NKPD1: variants seen among roughly 807,000 people sequenced by gnomAD.
NKPD1 encodes NTPase KAP family P-loop domain containing 1.
A neutral mutation model predicts 42.2 loss-of-function variants in NKPD1; 37 were observed. The observed-to-expected ratio is 0.88, with a 90% CI of 0.67 to 1.15. NKPD1 has a LOEUF of 1.15. NKPD1 is among the 50% of genes most tolerant of loss of function. The pLI is 0.00. For synonymous variants in NKPD1, 552 were observed against 536.5 expected (o/e 1.03, Z -0.40); for missense variants, 1,113 against 1,174.6 (o/e 0.95, Z 0.77).
intron 2 of NKPD1, 138 bp from the exon 3 acceptor site, chr19:45,159,238 G>T: frequency 1.2e-6 from 1 of 815,600 alleles, no homozygotes; most frequent in African/African-American, 1.8e-5. Flanking sequence ...CAAAAAGTAA[G>T]ATTATGTGCG....
rs1256053234 is a variant in NKPD1 at position 45,151,817 on chromosome 19, G to A, written c.*121C>T. The A allele has an allele frequency of 9.2e-7, 1 of 1,088,580 alleles. No individual in the cohort carries two copies. The highest frequency in any genetic ancestry group is 2.0e-5 in the South Asian group (1 of 51,264). 67.4% of individuals were successfully genotyped at this position (1,088,580 alleles called of 1,614,324 possible). ...CCACGGCTCTGGCTCAGGTTCACCT[G>A]GGGGTGTGGGCCTCACAGGGCTCAT... On this transcript the variant is annotated 3_prime_UTR_variant, in exon 5 of 5. Coordinates refer to ENST00000686631, the MANE Select transcript of NKPD1 (RefSeq NM_198478.4).
At chr19:45,159,409 T>TG (rs980984601) in intron 2 of NKPD1, among the ~76,000 whole-genome samples, 18 of 151,730 alleles carry the variant, frequency 1.2e-4, no homozygotes, top group Admixed American at 3.3e-4. Flanking sequence ...CCTGGATCCC[T>TG]GGGGGGTGCC....
Position 45,158,912 on chromosome 19 carries a change from T to C in NKPD1, c.280A>G (p.Ser94Gly), listed in dbSNP as rs1968955071. 1.5e-6 allele frequency: 2 copies of C among 1,296,760 alleles called. No individual in the cohort carries two copies. The highest frequency in any genetic ancestry group is 5.6e-5 in the East Asian group (1 of 17,748). The allele number at this position is 1,296,760 out of a possible 1,614,324, so 80.3% of individuals were successfully genotyped here. The change falls in exon 3 of 5, where the codon AGC becomes GGC. Residue 94 changes from serine (S) to glycine (G), a missense_variant. Physicochemically the swap from Ser to Gly is moderately conservative, Grantham distance 56. Coordinates refer to ENST00000686631, the MANE Select transcript of NKPD1 (RefSeq NM_198478.4). This position sits in a 1 kb window ranked among gnomAD's most constrained non-coding sequence, Gnocchi z 4.6. ...GGGCAGAGCCGCTGCCGCAGGGGGC[T>C]GGGAGGTGAGGGCTGGGACTGGGGC... ...RQPQSQPSPP[S>G]PLRQRLCPIH...
chr19:45,156,972 T>G, intron 3 of NKPD1, among the ~76,000 whole-genome samples: 1 of 152,142 alleles, frequency 6.6e-6, no homozygotes, highest in East Asian at 1.9e-4. Flanking sequence ...ACCCTCTACT[T>G]CCCTGTGTGT....
chr19:45,154,497 G>T (rs1171299768), intron 4 of NKPD1, among the ~76,000 whole-genome samples: 1 of 152,218 alleles, frequency 6.6e-6, no homozygotes, highest in Non-Finnish European at 1.5e-5. Flanking sequence ...AGTGTCTACA[G>T]CACCCAGCAG....
rs946021393 is a variant in NKPD1 at position 45,152,523 on chromosome 19, C to T, written c.1914G>A (p.Gln638=). Reference sequence around the variant, plus strand: ...CCCCAAAGTCCCCCTGCTGCTGCTGCTGCTGCAGCAGGCGCACGGTGATGG... The same window carrying T: ...CCCCAAAGTCCCCCTGCTGCTGCTGTTGCTGCAGCAGGCGCACGGTGATGG... ...TVPITVRLLQ[Q]QQQQGDFGGP... is the part of the protein sequence containing the mutation. The change falls in exon 5 of 5, where the codon CAG becomes CAA. Residue 638 remains glutamine, a synonymous_variant. Transcript: ENST00000686631. 3.2e-6 allele frequency: 5 copies of T among 1,574,526 alleles called. No individual in the cohort carries two copies. In the African/African-American group the frequency reaches 4.2e-5, roughly 13 times the overall value.
chr19:45,159,277 G>C (rs1364079329), intron 2 of NKPD1, among the ~76,000 whole-genome samples, 177 bp from the exon 3 acceptor site: 2 of 152,182 alleles, frequency 1.3e-5, no homozygotes, highest in African/African-American at 2.4e-5. Context: ...GAGGGACCCA[G>C]GGTCTGTGCT....
chr19:45,157,817 C>A (rs996085618), intron 3 of NKPD1, among the ~76,000 whole-genome samples: 2 of 151,214 alleles, frequency 1.3e-5, no homozygotes, highest in Non-Finnish European at 2.9e-5. Context: ...CTCTACCTCC[C>A]GGTTTCAAGT....
rs1968939312 is a variant in NKPD1, at chr19:45,158,212, TG to T, written c.529+450del. On this transcript the variant is annotated intron_variant, in intron 3 of 4. Transcript: ENST00000686631. The surrounding 1 kb of genome is among the most constrained non-coding windows in gnomAD (Gnocchi z 4.6). ...ATGAGGGAGGGAGAGAGCAAGCAAG[TG>T]GGTCTTCCCATTGCTGACCTTTGCT... 6.6e-6 allele frequency among the ~76,000 whole-genome samples: 1 copy of T among 152,112 alleles called. No homozygotes were observed. The highest frequency in any genetic ancestry group is 6.5e-5 in the Admixed American group (1 of 15,284).
chr19:45,157,557 G>C (rs974592263), intron 3 of NKPD1, among the ~76,000 whole-genome samples: 1 of 151,902 alleles, frequency 6.6e-6, no homozygotes, highest in Non-Finnish European at 1.5e-5. Flanking sequence ...GACCACAGGC[G>C]TGCATCACTA....
At chr19:45,156,821 C>G (rs549077417) in intron 3 of NKPD1, among the ~76,000 whole-genome samples, 1 of 152,300 alleles carries the variant, frequency 6.6e-6, no homozygotes, top group East Asian at 1.9e-4. Context: ...TCAGAGAGGC[C>G]TGGTGGGCTG....
chr19:45,155,634 G>A (rs1283007298), intron 4 of NKPD1, 151 bp downstream of exon 4: 15 of 685,948 alleles, frequency 2.2e-5, no homozygotes, highest in Non-Finnish European at 3.1e-5. Context: ...CAGAGAAGCA[G>A]AGCCCGGGGT....
rs995700238 is a variant in NKPD1 at position 45,152,280 on chromosome 19, C to G, written c.2157G>C (p.Glu719Asp). ...QNVLDLDGDP[E>D]LFERFLGADF... ...CGGCGCCCAGGAAGCGCTCGAAGAGCTCGGGGTCGCCGTCCAGGTCGAGCA... is the reference window on the plus strand; with the variant it reads ...CGGCGCCCAGGAAGCGCTCGAAGAGGTCGGGGTCGCCGTCCAGGTCGAGCA... Residue 719 changes from glutamate (E) to aspartate (D), a missense_variant, in exon 5 of 5, where the codon GAG becomes GAC. Glu to Asp is a conservative substitution (Grantham distance 45). Around this residue, in one of 3 missense-constraint regions of NKPD1, gnomAD observed 867 missense variants for 870.1 expected, o/e 1.00. Coordinates refer to ENST00000686631, the MANE Select transcript of NKPD1 (RefSeq NM_198478.4). 1.9e-6 allele frequency: 3 copies of G among 1,610,408 alleles called. No individual in the cohort carries two copies. The highest frequency in any genetic ancestry group is 8.5e-7 in the Non-Finnish European group (1 of 1,178,880).
chr19:45,156,039 G>T, intron 3 of NKPD1, 123 bp from the exon 4 acceptor site: 1 of 923,698 alleles, frequency 1.1e-6, no homozygotes, highest in East Asian at 6.4e-5. Flanking sequence ...GGGGACTCAG[G>T]TCAAACCCTG....
At position 45,152,330 on chromosome 19, in the gene NKPD1, T is replaced by A; in HGVS notation, c.2107A>T (p.Thr703Ser). The change falls in exon 5 of 5, where the codon ACC becomes TCC. Residue 703 changes from threonine (T) to serine (S), a missense_variant. Physicochemically the swap from Thr to Ser is moderately conservative, Grantham distance 58 (BLOSUM62 1). Coordinates refer to ENST00000686631, the MANE Select transcript of NKPD1 (RefSeq NM_198478.4). Reference protein sequence around the residue: ...VFRDNSRELHTMTKALQNVLD... With the variant: ...VFRDNSRELHSMTKALQNVLD... ...ACGTTCTGCAACGCCTTGGTCATGG[T>A]GTGCAGCTCGCGGCTGTTGTCGCGG... 1 of 1,607,830 alleles carries A rather than the reference T, an allele frequency of 6.2e-7. No homozygotes were observed. Among genetic ancestry groups the A allele is most frequent in the Non-Finnish European group, 8.5e-7 (1 of 1,176,982 alleles).
Position 45,152,371 on chromosome 19 carries a change from C to A in NKPD1, c.2066G>T (p.Arg689Leu). 1 of 1,592,762 alleles carries A rather than the reference C, an allele frequency of 6.3e-7. No individual in the cohort carries two copies. Among genetic ancestry groups the A allele is most frequent in the Non-Finnish European group, 8.5e-7 (1 of 1,170,336 alleles). The change falls in exon 5 of 5, where the codon CGC becomes CTC. Residue 689 changes from arginine (R) to leucine (L), a missense_variant. Physicochemically the swap from Arg to Leu is moderately radical, Grantham distance 102. Transcript: ENST00000686631. ...GTTGTCGCGGAAAACGTCCCAGAGGCGCGCGCGGCCCTCGGGCGCGCCCCC... is the reference window on the plus strand; with the variant it reads ...GTTGTCGCGGAAAACGTCCCAGAGGAGCGCGCGGCCCTCGGGCGCGCCCCC... ...QTGGAPEGRA[R>L]LWDVFRDNSR...
upstream of NKPD1, among the ~76,000 whole-genome samples, chr19:45,162,041 G>A (rs566354152): frequency 3.3e-5 from 5 of 152,176 alleles, 1 homozygote; most frequent in African/African-American, 1.2e-4. Flanking sequence ...TTCCTCCCTG[G>A]CCCACCAGGG....
In NKPD1 at chr19:45,151,915, C is replaced by T; in HGVS notation, c.*23G>A. 6.6e-7 allele frequency: 1 copy of T among 1,519,214 alleles called. No homozygotes were observed. Among genetic ancestry groups the T allele is most frequent in the Non-Finnish European group, 8.8e-7 (1 of 1,131,334 alleles). 94.1% of individuals were successfully genotyped at this position (1,519,214 alleles called of 1,614,324 possible). A position where few individuals can be genotyped will look rare whatever the true frequency, so the allele number is the denominator to read the frequency against. ...GGGCAGATGGAGGAACCCTTGCCTC[C>T]TGCTGCCCGCCAAGTCCTCCATTTA... On this transcript the variant is annotated 3_prime_UTR_variant, in exon 5 of 5. Coordinates refer to ENST00000686631, the MANE Select transcript of NKPD1 (RefSeq NM_198478.4).
chr19:45,156,443 G>GA (rs1376728356), intron 3 of NKPD1, among the ~76,000 whole-genome samples: 3 of 152,192 alleles, frequency 2.0e-5, no homozygotes, highest in African/African-American at 7.2e-5. Flanking sequence ...CCAGGGTTGG[G>GA]AGAGAGATGA....
Sources: allele counts gnomAD v4.1 joint callset (sites outside exome capture counted in the v4.1 genomes callset), GRCh38; gene constraint gnomAD v4.1.1; regional missense constraint gnomAD v4.1.1; non-coding constraint Gnocchi (gnomAD v3.1); transcripts MANE v1.5; gene names NCBI Gene and HGNC (gene_info 2026-07-23, HGNC 2026-07-21).